The following ARIH1 variants were observed in gnomAD, a reference collection of about 807,000 sequenced individuals.
The protein encoded by ARIH1 is E3 ubiquitin-protein ligase ARIH1.
In ARIH1, 8 loss-of-function variants were observed where a neutral mutation model predicts 85.0. The ratio of observed to expected loss-of-function variants is 0.09; its 90% CI spans 0.06 to 0.17. ARIH1 has a LOEUF of 0.17. Ranked by LOEUF, ARIH1 falls within the 10% of genes least tolerant of loss-of-function variation. ARIH1 has a pLI of 1.00. For missense variants in ARIH1, 311 were observed against 718.1 expected (o/e 0.43, Z 6.48); for synonymous variants, 238 against 253.6 (o/e 0.94, Z 0.59).
chr15:72,506,761 T>G (rs1466615767), intron 1 of ARIH1, among the ~76,000 whole-genome samples: 1 of 152,146 alleles, frequency 6.6e-6, no homozygotes, highest in Non-Finnish European at 1.5e-5. Flanking sequence ...TAATTCTCGT[T>G]CAGATCAAAT....
intron 2 of ARIH1, among the ~76,000 whole-genome samples, chr15:72,529,989 C>A (rs1352634863): frequency 6.6e-5 from 10 of 152,084 alleles, no homozygotes; most frequent in Non-Finnish European, 1.2e-4. Context: ...AGAAAAAAAT[C>A]TAGTAATAAA....
chr15:72,513,669 A>ATCTCTC (rs1325730865), intron 1 of ARIH1, among the ~76,000 whole-genome samples: 2 of 117,294 alleles, frequency 1.7e-5, no homozygotes, highest in South Asian at 5.4e-4. Context: ...GCAGGTTTCA[A>ATCTCTC]TCTCTCTCTC....
At chr15:72,541,203 T>C (rs569892139) in intron 2 of ARIH1, among the ~76,000 whole-genome samples, 1 of 152,262 alleles carries the variant, frequency 6.6e-6, no homozygotes, top group Admixed American at 6.5e-5. Flanking sequence ...CTTTGAAACA[T>C]ATGGCTAGTT....
At chr15:72,535,187 G>A (rs1167909419) in intron 2 of ARIH1, among the ~76,000 whole-genome samples, 1 of 151,320 alleles carries the variant, frequency 6.6e-6, no homozygotes, top group East Asian at 1.9e-4. Context: ...TCCTGACCTC[G>A]TGATCCACCC....
chr15:72,538,032 A>G (rs1254876017), intron 2 of ARIH1, among the ~76,000 whole-genome samples: 3 of 152,188 alleles, frequency 2.0e-5, no homozygotes, highest in Admixed American at 6.5e-5. Flanking sequence ...GGAAGCATTA[A>G]AAGACTGGAT....
rs1372458514 is a variant in ARIH1 at position 72,598,905 on chromosome 15, G to T, written c.*15613G>T. On this transcript the variant is annotated 3_prime_UTR_variant, in exon 14 of 14. Transcript: ENST00000379887. Reference sequence around the variant, plus strand: ...GCTTTTTTTTTTTTGTAGAGTTTGGGTCTCGCTATGTTGCCTGTGATCCTC... The same window carrying T: ...GCTTTTTTTTTTTTGTAGAGTTTGGTTCTCGCTATGTTGCCTGTGATCCTC... 6.7e-6 allele frequency: 1 copy of T among 149,808 alleles called. No homozygotes were observed. The highest frequency in any genetic ancestry group is 2.0e-4 in the East Asian group (1 of 5,050). The allele number at this position is 149,808 out of a possible 1,614,324, so 9.3% of individuals were successfully genotyped here.
chr15:72,496,926 A>G (rs966136329), intron 1 of ARIH1: 37 of 834,088 alleles, frequency 4.4e-5, no homozygotes, highest in Non-Finnish European at 5.2e-5. Context: ...ACACACAGAC[A>G]TTGGCAACCA....
intron 5 of ARIH1, among the ~76,000 whole-genome samples, chr15:72,557,676 A>G (rs1006299261): frequency 6.6e-6 from 1 of 152,114 alleles, no homozygotes; most frequent in Non-Finnish European, 1.5e-5. Flanking sequence ...ATTTTTATAG[A>G]TTGAGCTCTT....
At chr15:72,566,271 T>C in intron 7 of ARIH1, 2 of 360,162 alleles carry the variant, frequency 5.6e-6, no homozygotes, top group Non-Finnish European at 9.9e-6. Context: ...GGTTGAAACT[T>C]CTCAATATAG....
chr15:72,474,515 C>A lies in ARIH1; in HGVS notation c.-125C>A. The A allele has an allele frequency of 1.6e-6, 2 of 1,264,342 alleles. No homozygotes were observed. Among genetic ancestry groups the A allele is most frequent in the Non-Finnish European group, 2.1e-6 (2 of 964,784 alleles). 78.3% of individuals were successfully genotyped at this position (1,264,342 alleles called of 1,614,324 possible). Reference sequence around the variant, plus strand: ...CGCCGCTCCTGGGGAGGAGCCGCGGCTCGCGGGGCCGGAGCCAGGCCTGCG... The same window carrying A: ...CGCCGCTCCTGGGGAGGAGCCGCGGATCGCGGGGCCGGAGCCAGGCCTGCG... On this transcript the variant is annotated 5_prime_UTR_variant, in exon 1 of 14. Coordinates refer to ENST00000379887, the MANE Select transcript of ARIH1 (RefSeq NM_005744.5).
At chr15:72,567,222 G>T (rs2064224647) in intron 9 of ARIH1, 45 bp downstream of exon 9, 1 of 1,507,354 alleles carries the variant, frequency 6.6e-7, no homozygotes, top group Non-Finnish European at 9.1e-7. Flanking sequence ...AAATGATAAG[G>T]ATTGGTACTT....
chr15:72,569,651 C>T (rs1381210650), intron 9 of ARIH1, among the ~76,000 whole-genome samples: 4 of 152,114 alleles, frequency 2.6e-5, no homozygotes, highest in Admixed American at 6.6e-5. Flanking sequence ...ACACTGAGAA[C>T]GGTACATGGG....
At chr15:72,494,991 C>T (rs1001604814) in intron 1 of ARIH1, among the ~76,000 whole-genome samples, 1 of 152,148 alleles carries the variant, frequency 6.6e-6, no homozygotes, top group Non-Finnish European at 1.5e-5. Context: ...AAGCTTTAAG[C>T]AACTTTCATT....
chr15:72,597,823 G>T lies in ARIH1; in HGVS notation c.*14531G>T, dbSNP rs1022938665. On this transcript the variant is annotated 3_prime_UTR_variant, in exon 14 of 14. Transcript: ENST00000379887. ...GTGAAAATGTTGTTAAATTTCAGCA[G>T]GTTTCTCTTTTCTCCCCCCTGTAGT... 2.6e-5 allele frequency: 4 copies of T among 152,142 alleles called. No homozygotes were observed. The highest frequency in any genetic ancestry group is 9.7e-5 in the African/African-American group (4 of 41,412). 9.4% of individuals were successfully genotyped at this position (152,142 alleles called of 1,614,324 possible).
At chr15:72,508,456 A>T (rs975790368) in intron 1 of ARIH1, among the ~76,000 whole-genome samples, 17 of 152,338 alleles carry the variant, frequency 1.1e-4, no homozygotes, top group African/African-American at 3.6e-4. Flanking sequence ...ATCATAAATT[A>T]AAAAATAATT....
intron 1 of ARIH1, among the ~76,000 whole-genome samples, chr15:72,477,801 A>G (rs1296538735): frequency 3.3e-5 from 5 of 152,182 alleles, no homozygotes; most frequent in Admixed American, 1.3e-4. Context: ...AAAAAAAATC[A>G]GAGTTTTTTA....
At chr15:72,556,030 G>C in intron 5 of ARIH1, 123 bp downstream of exon 5, 1 of 762,040 alleles carries the variant, frequency 1.3e-6, no homozygotes, top group Non-Finnish European at 2.1e-6. Flanking sequence ...TTTAATCTGC[G>C]TTCCTTAGTA....
At chr15:72,542,348 A>G (rs930729822) in intron 2 of ARIH1, among the ~76,000 whole-genome samples, 8 of 152,212 alleles carry the variant, frequency 5.3e-5, no homozygotes, top group Non-Finnish European at 1.2e-4. Flanking sequence ...AAAGCAACCC[A>G]TGAAACAAAG....
At chr15:72,535,849 A>G (rs2064079609) in intron 2 of ARIH1, among the ~76,000 whole-genome samples, 2 of 152,198 alleles carry the variant, frequency 1.3e-5, no homozygotes, top group African/African-American at 4.8e-5. Flanking sequence ...AAGTAAAAAT[A>G]GTTTTTTAAA....
Sources: gnomAD v4.1 joint callset for allele counts (sites outside exome capture counted in the v4.1 genomes callset) on GRCh38, gnomAD v4.1.1 for gene constraint, MANE v1.5 for transcripts, NCBI Gene and HGNC (gene_info 2026-07-23, HGNC 2026-07-21) for gene names.